EVI5: variants seen among roughly 807,000 people sequenced by gnomAD.
The protein encoded by EVI5 is ecotropic viral integration site 5.
A neutral mutation model predicts 112.0 loss-of-function variants in EVI5; 73 were observed. That is an observed-to-expected ratio of 0.65 (90% CI 0.54 to 0.79). The LOEUF is 0.79. Ranked by LOEUF, EVI5 falls within the 30% of genes least tolerant of loss-of-function variation. The pLI is 0.00. For missense variants in EVI5, 900 were observed against 968.8 expected (o/e 0.93, Z 0.94); for synonymous variants, 305 against 319.9 (o/e 0.95, Z 0.50).
At chr1:92,783,629 T>G (rs1274504042) in intron 1 of EVI5, among the ~76,000 whole-genome samples, 1 of 150,696 alleles carries the variant, frequency 6.6e-6, no homozygotes, top group Non-Finnish European at 1.5e-5. Flanking sequence ...GTGGCCAACA[T>G]GGTGAAACCT....
chr1:92,760,827 C>T (rs1437816848), intron 1 of EVI5, among the ~76,000 whole-genome samples: 2 of 151,422 alleles, frequency 1.3e-5, no homozygotes, highest in Non-Finnish European at 2.9e-5. Flanking sequence ...GAGGCCGAGG[C>T]GGGCAGATCA....
intron 11 of EVI5, among the ~76,000 whole-genome samples, chr1:92,664,589 T>C (rs1274919207): frequency 6.6e-6 from 1 of 152,042 alleles, no homozygotes; most frequent in African/African-American, 2.4e-5. Flanking sequence ...AGCTCAATCT[T>C]CCTGTGGAGT....
intron 6 of EVI5, among the ~76,000 whole-genome samples, chr1:92,697,012 C>T (rs1310846554): frequency 6.6e-6 from 1 of 152,084 alleles, no homozygotes; most frequent in Non-Finnish European, 1.5e-5. Context: ...TGCACTCCAG[C>T]CTGGGCCACA....
At chr1:92,583,162 T>C (rs1304340891) in intron 18 of EVI5, among the ~76,000 whole-genome samples, 2 of 152,182 alleles carry the variant, frequency 1.3e-5, no homozygotes, top group Non-Finnish European at 2.9e-5. Flanking sequence ...AAATATACTA[T>C]AGTGTAACCA....
rs1454393436 is a variant in EVI5, at chr1:92,693,801, C to G, written c.1097+1G>C. 6.5e-7 allele frequency: 1 copy of G among 1,536,744 alleles called. No individual in the cohort carries two copies. The highest frequency in any genetic ancestry group is 9.0e-7 in the Non-Finnish European group (1 of 1,116,170). ...TTCCAACAAAAATATAAAATACTTACTTTTTCATTTTTTTTGAATTGTATT... is the reference window on the plus strand; with the variant it reads ...TTCCAACAAAAATATAAAATACTTAGTTTTTCATTTTTTTTGAATTGTATT... On this transcript the variant is annotated splice_donor_variant, in intron 9 of 19. Transcript: ENST00000684568. LOFTEE classifies it high-confidence loss of function.
intron 18 of EVI5, among the ~76,000 whole-genome samples, chr1:92,586,660 T>C (rs961409238): frequency 2.7e-5 from 4 of 148,432 alleles, no homozygotes; most frequent in South Asian, 2.2e-4. Context: ...AGTACTTCCT[T>C]ACTTATTGGC....
intron 9 of EVI5, among the ~76,000 whole-genome samples, chr1:92,688,531 A>C (rs1159190917): frequency 6.6e-6 from 1 of 152,216 alleles, no homozygotes; most frequent in African/African-American, 2.4e-5. Context: ...TACCATAGTA[A>C]GATCTAGGTT....
At chr1:92,568,796 C>T (rs1669883794) in intron 18 of EVI5, among the ~76,000 whole-genome samples, 1 of 151,940 alleles carries the variant, frequency 6.6e-6, no homozygotes, top group Non-Finnish European at 1.5e-5. Flanking sequence ...TATATTTTCT[C>T]TTCCTTATGA....
intron 2 of EVI5, among the ~76,000 whole-genome samples, chr1:92,721,635 C>G (rs1358967798): frequency 6.6e-6 from 1 of 152,106 alleles, no homozygotes; most frequent in Non-Finnish European, 1.5e-5. Context: ...ATATAACAAA[C>G]CTGTACGTTG....
chr1:92,695,250 TCTCA>T, intron 7 of EVI5, 56 bp downstream of exon 7: 3 of 1,431,720 alleles, frequency 2.1e-6, no homozygotes, highest in Non-Finnish European at 2.9e-6. Flanking sequence ...ATTGCCCTGC[TCTCA>T]CTAACTCAGT....
At chr1:92,567,433 C>G (rs556178110) in intron 18 of EVI5, among the ~76,000 whole-genome samples, 14 of 152,272 alleles carry the variant, frequency 9.2e-5, no homozygotes, top group African/African-American at 3.4e-4. Context: ...GTCCTGCAAG[C>G]TCCATTCATG....
rs747110217 is a variant in EVI5 at position 92,694,264 on chromosome 1, CAAAA to C, written c.999+31_999+34del. 7.6e-6 allele frequency: 8 copies of C among 1,054,312 alleles called. No individual in the cohort carries two copies. The East Asian group carries it at 8.5e-5, about 11-fold the overall frequency. 65.3% of individuals were successfully genotyped at this position (1,054,312 alleles called of 1,614,324 possible). On this transcript the variant is annotated intron_variant, in intron 8 of 19. Coordinates refer to ENST00000684568, the MANE Select transcript of EVI5 (RefSeq NM_001350197.2). ...TGGGCAACAGAACTAAACTCTGTCT[CAAAA>C]AAAAAAAAAGAAAATAAATTATGAA...
chr1:92,594,048 T>C (rs983340015), intron 18 of EVI5, among the ~76,000 whole-genome samples: 4 of 152,182 alleles, frequency 2.6e-5, no homozygotes, highest in Non-Finnish European at 4.4e-5. Context: ...AATGACTTTC[T>C]TCACAGAACT....
rs144291497 is a variant in EVI5, at chr1:92,513,778, C to T, written c.2359G>A (p.Ala787Thr). 8.1e-4 allele frequency: 1,299 copies of T among 1,613,308 alleles called. 5 individuals are homozygous for T. The highest frequency in any genetic ancestry group is 4.5e-4 in the Non-Finnish European group (536 of 1,179,812). ...TCGCTCTCACTACCATCTGCCACTG[C>T]GGGGTCCAAAGACATCGAACCAGAT... Reference protein sequence around the residue: ...GKSGSMSLDPAVADGSESETE... With the variant: ...GKSGSMSLDPTVADGSESETE... Residue 787 changes from alanine (A) to threonine (T), a missense_variant, in exon 20 of 20, where the codon GCA becomes ACA. Physicochemically the swap from Ala to Thr is moderately conservative, Grantham distance 58 (BLOSUM62 0). Coordinates refer to ENST00000684568, the MANE Select transcript of EVI5 (RefSeq NM_001350197.2).
At chr1:92,703,744 G>A in intron 3 of EVI5, 125 bp from the exon 4 acceptor site, 1 of 644,896 alleles carries the variant, frequency 1.6e-6, no homozygotes, top group Non-Finnish European at 2.6e-6. Flanking sequence ...CACAAAGCTA[G>A]CTTTATAATA....
intron 19 of EVI5, among the ~76,000 whole-genome samples, chr1:92,517,317 T>C (rs1171165319): frequency 6.6e-6 from 1 of 152,216 alleles, no homozygotes; most frequent in Non-Finnish European, 1.5e-5. Flanking sequence ...GGAGGATGTC[T>C]GTAGGTTATA....
intron 7 of EVI5, among the ~76,000 whole-genome samples, 187 bp downstream of exon 7, chr1:92,695,123 T>G (rs1444699324): frequency 6.6e-6 from 1 of 152,220 alleles, no homozygotes; most frequent in African/African-American, 2.4e-5. Flanking sequence ...TCATCTATCA[T>G]CTAACAAATG....
chr1:92,744,553 C>T (rs1327926471), intron 1 of EVI5, among the ~76,000 whole-genome samples: 2 of 151,396 alleles, frequency 1.3e-5, no homozygotes, highest in African/African-American at 2.4e-5. Context: ...CTTAAGTTTG[C>T]TTTGTTTGAA....
chr1:92,630,015 G>A (rs1656617956), intron 14 of EVI5, among the ~76,000 whole-genome samples: 1 of 152,152 alleles, frequency 6.6e-6, no homozygotes, highest in African/African-American at 2.4e-5. Context: ...TTTAATGGCT[G>A]CATAGTATTC....
Sources: gnomAD v4.1 joint callset for allele counts (sites outside exome capture counted in the v4.1 genomes callset) on GRCh38, gnomAD v4.1.1 for gene constraint, MANE v1.5 for transcripts, NCBI Gene and HGNC (gene_info 2026-07-23, HGNC 2026-07-21) for gene names.